The following SPHKAP variants were observed in gnomAD, a reference collection of about 807,000 sequenced individuals.
SPHKAP encodes the protein A-kinase anchor protein SPHKAP.
A neutral mutation model predicts 137.5 loss-of-function variants in SPHKAP; 67 were observed. The ratio of observed to expected loss-of-function variants is 0.49; its 90% CI spans 0.40 to 0.60. The LOEUF (loss-of-function observed/expected upper bound fraction) is 0.60. SPHKAP is among the 20% of genes least tolerant of loss of function. SPHKAP has a pLI of 0.00. For missense variants in SPHKAP, 2,097 were observed against 2,069.3 expected, an observed-to-expected ratio of 1.01 and a Z score of -0.26; for synonymous variants, 813 against 785.3, an observed-to-expected ratio of 1.04 and a Z score of -0.59.
chr2:228,168,878 A>C (rs375270176), intron 1 of SPHKAP, among the ~76,000 whole-genome samples: 4 of 152,160 alleles, frequency 2.6e-5, no homozygotes, highest in East Asian at 1.9e-4. Context: ...CTTGAAGGAA[A>C]TTAAAAGTGA....
chr2:228,087,946 A>G (rs1697590085), intron 3 of SPHKAP, among the ~76,000 whole-genome samples: 1 of 152,202 alleles, frequency 6.6e-6, no homozygotes, highest in African/African-American at 2.4e-5. Flanking sequence ...GCTGTTTCAA[A>G]AAGCAATATT....
intron 3 of SPHKAP, among the ~76,000 whole-genome samples, chr2:228,052,474 A>G (rs1696291616): frequency 1.3e-5 from 2 of 152,188 alleles, no homozygotes; most frequent in South Asian, 2.1e-4. Context: ...AAACAAAAAG[A>G]ATCAGAACAA....
At chr2:228,114,029 A>G (rs957796163) in intron 2 of SPHKAP, among the ~76,000 whole-genome samples, 2 of 152,140 alleles carry the variant, frequency 1.3e-5, no homozygotes, top group African/African-American at 2.4e-5. Context: ...GAATTCAACA[A>G]TTTTGAAGCT....
intron 3 of SPHKAP, among the ~76,000 whole-genome samples, chr2:228,097,516 T>C (rs1291521237): frequency 1.3e-5 from 2 of 152,180 alleles, no homozygotes; most frequent in African/African-American, 4.8e-5. Context: ...TTTTTTCAAC[T>C]TTTATTTTAG....
intron 2 of SPHKAP, among the ~76,000 whole-genome samples, chr2:228,111,284 C>A (rs1698508719): frequency 6.6e-6 from 1 of 152,052 alleles, no homozygotes; most frequent in African/African-American, 2.4e-5. Context: ...TGACTTAAAC[C>A]CTGAGGTTCA....
rs551679608 is a variant in SPHKAP, at chr2:228,076,260, C to A, written c.246+32572G>T. On this transcript the variant is annotated intron_variant, in intron 3 of 11. Transcript: ENST00000392056. Reference sequence around the variant, plus strand: ...TGTGTCTTTATCAGCAGTATGAATACGGACTAATACAGTAAATTGTTACCA... The same window carrying A: ...TGTGTCTTTATCAGCAGTATGAATAAGGACTAATACAGTAAATTGTTACCA... Among the ~76,000 whole-genome samples the A allele has an allele frequency of 4.6e-5, 7 of 152,196 alleles. No individual in the cohort carries two copies. The East Asian group carries it at 1.4e-3, about 29-fold the overall frequency.
chr2:228,019,160 G>A lies in SPHKAP; in HGVS notation c.1694C>T (p.Ala565Val), dbSNP rs200323888. Residue 565 changes from alanine to valine, a missense_variant, in exon 7 of 12, where the codon GCC becomes GTC. Coordinates refer to ENST00000392056, the MANE Select transcript of SPHKAP (RefSeq NM_001142644.2). ...PSALCGMTQVASAVAVCGLGE... is the reference protein window; with the variant it reads ...PSALCGMTQVVSAVAVCGLGE... ...CAGACCACAGACAGCCACGGCACTG[G>A]CCACCTGAGTCATGCCACACAAAGC... The A allele has an allele frequency of 5.3e-5, 86 of 1,613,594 alleles. No individual in the cohort carries two copies. In the Admixed American group the frequency reaches 7.8e-4, roughly 15 times the overall value.
intron 7 of SPHKAP, among the ~76,000 whole-genome samples, chr2:228,014,325 A>G (rs989482259): frequency 1.3e-5 from 2 of 152,226 alleles, no homozygotes; most frequent in Non-Finnish European, 2.9e-5. Flanking sequence ...AGGTTAAGGG[A>G]ATTCTAAAGA....
intron 1 of SPHKAP, among the ~76,000 whole-genome samples, chr2:228,139,457 C>T (rs1447623923): frequency 6.6e-6 from 1 of 152,070 alleles, no homozygotes; most frequent in South Asian, 2.1e-4. Context: ...GATTATATGA[C>T]AATATAAAAT....
intron 3 of SPHKAP, among the ~76,000 whole-genome samples, chr2:228,078,157 T>A (rs370293697): frequency 6.6e-6 from 1 of 152,216 alleles, no homozygotes; most frequent in African/African-American, 2.4e-5. Flanking sequence ...CAGGTATGTC[T>A]GTATCAGCAG....
At chr2:228,132,946 G>T (rs979498879) in intron 1 of SPHKAP, among the ~76,000 whole-genome samples, 13 of 152,052 alleles carry the variant, frequency 8.5e-5, no homozygotes, top group Admixed American at 6.6e-4. Flanking sequence ...GGAGGTTGCA[G>T]TGAGCTGAGA....
chr2:228,040,287 G>A (rs1027759866), intron 3 of SPHKAP, among the ~76,000 whole-genome samples: 8 of 152,238 alleles, frequency 5.3e-5, no homozygotes, highest in South Asian at 2.1e-4. Flanking sequence ...TTCACAAAGC[G>A]TCTAAAGAAA....
intron 1 of SPHKAP, among the ~76,000 whole-genome samples, chr2:228,171,426 C>G (rs1700581523): frequency 6.6e-6 from 1 of 152,096 alleles, no homozygotes; most frequent in Non-Finnish European, 1.5e-5. Flanking sequence ...TAGAGAATAG[C>G]ACTTGCTATT....
chr2:228,150,634 ATT>A (rs1203244190), intron 1 of SPHKAP, among the ~76,000 whole-genome samples: 2 of 149,270 alleles, frequency 1.3e-5, no homozygotes, highest in African/African-American at 4.9e-5. Context: ...TTTTTTTTTC[ATT>A]TTTATCATTG....
chr2:227,991,394 G>C lies in SPHKAP; in HGVS notation c.4722-68C>G, dbSNP rs541993944. 12 of 1,610,486 alleles carry C rather than the reference G, an allele frequency of 7.5e-6. No individual in the cohort carries two copies. The African/African-American group carries it at 1.1e-4, about 14-fold the overall frequency. Reference sequence around the variant, plus strand: ...GAATAAGCTGTAAATGAAAGATGAGGCGATGGGTCTTACTGATCTAAAAGC... The same window carrying C: ...GAATAAGCTGTAAATGAAAGATGAGCCGATGGGTCTTACTGATCTAAAAGC... On this transcript the variant is annotated intron_variant, in intron 9 of 11. Transcript: ENST00000392056.
chr2:228,080,068 G>GT (rs35229305), intron 3 of SPHKAP, among the ~76,000 whole-genome samples: 24,165 of 147,180 alleles, frequency 0.16, 2,073 homozygotes, highest in East Asian at 0.32. Flanking sequence ...AAGTAACAAT[G>GT]TTTTTTTTTT....
In SPHKAP at chr2:228,129,881, C is replaced by T. The variant is rs551940332; in HGVS notation, c.138+2099G>A. Among the ~76,000 whole-genome samples the T allele has an allele frequency of 5.6e-4, 84 of 151,218 alleles. 1 individual carries two copies. In the South Asian group the frequency reaches 0.018, roughly 32 times the overall value. On this transcript the variant is annotated intron_variant, in intron 2 of 11. Coordinates refer to ENST00000392056, the MANE Select transcript of SPHKAP (RefSeq NM_001142644.2). The stretch of plus-strand genomic sequence containing the variant: ...GCGTGATCTTGGCTCACTGCAACCT[C>T]CACCTCCCAGGTTCAAGCAATTCTC...
At chr2:227,992,200 A>G (rs1693439027) in intron 9 of SPHKAP, among the ~76,000 whole-genome samples, 1 of 152,230 alleles carries the variant, frequency 6.6e-6, no homozygotes, top group African/African-American at 2.4e-5. Flanking sequence ...TTGTTTGACG[A>G]TAGATGATTC....
chr2:228,061,006 T>A (rs527945008), intron 3 of SPHKAP, among the ~76,000 whole-genome samples: 3 of 152,322 alleles, frequency 2.0e-5, no homozygotes, highest in African/African-American at 7.2e-5. Context: ...TGAATCTCAC[T>A]GGATTTGAGG....
Sources: gnomAD v4.1 joint callset for allele counts (sites outside exome capture counted in the v4.1 genomes callset) on GRCh38, gnomAD v4.1.1 for gene constraint, MANE v1.5 for transcripts, NCBI Gene and HGNC (gene_info 2026-07-23, HGNC 2026-07-21) for gene names.